PLEKHG7: variants seen among roughly 807,000 people sequenced by gnomAD.
The protein encoded by PLEKHG7 is pleckstrin homology and RhoGEF domain containing G7, also known as pleckstrin homology domain-containing family G member 7.
Under a neutral mutation model 85.2 loss-of-function variants are expected in PLEKHG7, and 77 were observed. The observed-to-expected ratio is 0.90, with a 90% CI of 0.75 to 1.09. The LOEUF is 1.09. Among genes scored for constraint, PLEKHG7 ranks in the 50% least tolerant of loss-of-function variants. The pLI, the probability that PLEKHG7 is intolerant of heterozygous loss-of-function variation, is 0.00. For missense variants in PLEKHG7, 777 were observed against 804.3 expected, an observed-to-expected ratio of 0.97 and a Z score of 0.41; for synonymous variants, 301 against 302.4, an observed-to-expected ratio of 1.00 and a Z score of 0.05.
At chr12:92,747,669 A>G (rs1247171557) in intron 10 of PLEKHG7, among the ~76,000 whole-genome samples, 4 of 152,250 alleles carry the variant, frequency 2.6e-5, no homozygotes, top group Admixed American at 6.5e-5. Flanking sequence ...GTGTTCATCA[A>G]CAGATGATTA....
chr12:92,727,168 T>A (rs192860187), intron 3 of PLEKHG7, among the ~76,000 whole-genome samples: 105 of 152,222 alleles, frequency 6.9e-4, no homozygotes, highest in African/African-American at 2.3e-3. Context: ...CCTAACAGAG[T>A]GGCAGCAGGC....
rs544265370 is a variant in PLEKHG7 at position 92,722,303 on chromosome 12, G to A, written c.531-6690G>A. 3.0e-4 allele frequency among the ~76,000 whole-genome samples: 45 copies of A among 152,176 alleles called. 2 individuals carry two copies. The highest frequency in any genetic ancestry group is 2.4e-3 in the Admixed American group (37 of 15,280). ...GAATTGACATAGAGGCACATTTTCCGCACCAATCCATGTCTCTTCATGTTA... is the reference window on the plus strand; with the variant it reads ...GAATTGACATAGAGGCACATTTTCCACACCAATCCATGTCTCTTCATGTTA... On this transcript the variant is annotated intron_variant, in intron 3 of 16. Coordinates refer to ENST00000344636, the MANE Select transcript of PLEKHG7 (RefSeq NM_001377329.1).
chr12:92,718,038 A>G (rs1487481962), intron 3 of PLEKHG7, among the ~76,000 whole-genome samples: 4 of 152,264 alleles, frequency 2.6e-5, no homozygotes, highest in African/African-American at 7.2e-5. Flanking sequence ...CAGGCACATC[A>G]AATGTAATGT....
Position 92,771,137 on chromosome 12 carries a change from A to T in PLEKHG7, c.*942A>T, listed in dbSNP as rs1029060431. ...CATGGCAGGATATATACTATTAACT[A>T]CATTCAAGGAACTAGTTCTTAGGGT... On this transcript the variant is annotated 3_prime_UTR_variant, in exon 17 of 17. Transcript: ENST00000344636. The T allele has an allele frequency of 6.6e-6, 1 of 152,100 alleles. No homozygotes were observed. Among genetic ancestry groups the T allele is most frequent in the African/African-American group, 2.4e-5 (1 of 41,444 alleles). The allele number at this position is 152,100 out of a possible 1,614,324, so 9.4% of individuals were successfully genotyped here.
chr12:92,743,919 A>G lies in PLEKHG7; in HGVS notation c.1138-1559A>G, dbSNP rs145322937. Among the ~76,000 whole-genome samples, 405 of 152,178 alleles carry G rather than the reference A, an allele frequency of 2.7e-3. 2 individuals carry two copies. The highest frequency in any genetic ancestry group is 6.8e-3 in the Middle Eastern group (2 of 294). ...TTACCTCCTAGTTCCAACATTTCTC[A>G]AGCATCTCAGTGTCCATGAGAAGAC... On this transcript the variant is annotated intron_variant, in intron 9 of 16. Transcript: ENST00000344636.
Position 92,732,256 on chromosome 12 carries a change from T to C in PLEKHG7, c.682T>C (p.Phe228Leu), listed in dbSNP as rs113607540. 31 of 1,231,546 alleles carry C rather than the reference T, an allele frequency of 2.5e-5. No homozygotes were observed. In the African/African-American group the frequency reaches 2.8e-4, roughly 11 times the overall value. 76.3% of individuals were successfully genotyped at this position (1,231,546 alleles called of 1,614,324 possible). A position where few individuals can be genotyped will look rare whatever the true frequency, so the allele number is the denominator to read the frequency against. Residue 228 changes from phenylalanine to leucine, a missense_variant, in exon 5 of 17, where the codon TTC becomes CTC. Phe to Leu is a conservative substitution (Grantham distance 22, BLOSUM62 0). Coordinates refer to ENST00000344636, the MANE Select transcript of PLEKHG7 (RefSeq NM_001377329.1). ...AGAATCCAAAAAGCCAAGATGGCCT[T>C]TCTCCAAAAGAGGAGTGGTAAGTGT... ...NSESKKPRWP[F>L]SKRGVGKDKH... is the part of the protein sequence containing the mutation.
At chr12:92,719,357 G>A (rs1871574025) in intron 3 of PLEKHG7, among the ~76,000 whole-genome samples, 1 of 152,162 alleles carries the variant, frequency 6.6e-6, no homozygotes, top group African/African-American at 2.4e-5. Flanking sequence ...TTCTTGCATA[G>A]GGTAAAACAT....
intron 7 of PLEKHG7, among the ~76,000 whole-genome samples, chr12:92,740,104 T>C (rs1438155685): frequency 6.6e-6 from 1 of 152,240 alleles, no homozygotes; most frequent in Non-Finnish European, 1.5e-5. Context: ...GAGAAGGTTA[T>C]CTATCTAAAG....
Position 92,772,294 on chromosome 12 carries a change from TA to T in PLEKHG7, c.*2100del, listed in dbSNP as rs1873464221. The T allele has an allele frequency of 1.3e-5, 2 of 152,128 alleles. No homozygotes were observed. Among genetic ancestry groups the T allele is most frequent in the South Asian group, 4.2e-4 (2 of 4,818 alleles). 9.4% of individuals were successfully genotyped at this position (152,128 alleles called of 1,614,324 possible). A position where few individuals can be genotyped will look rare whatever the true frequency, so the allele number is the denominator to read the frequency against. On this transcript the variant is annotated 3_prime_UTR_variant, in exon 17 of 17. Coordinates refer to ENST00000344636, the MANE Select transcript of PLEKHG7 (RefSeq NM_001377329.1). ...TTTGTTTTTAGTTTTGTTAATTCTC[TA>T]CAATATTAAATGGAATGTCTAAGGC...
chr12:92,766,005 G>A (rs927472842), intron 15 of PLEKHG7, among the ~76,000 whole-genome samples: 2 of 152,132 alleles, frequency 1.3e-5, no homozygotes, highest in Non-Finnish European at 1.5e-5. Flanking sequence ...TGGGACCAAA[G>A]TCTATGTAGG....
At chr12:92,709,818 G>A (rs775735023) in intron 3 of PLEKHG7, among the ~76,000 whole-genome samples, 5 of 152,154 alleles carry the variant, frequency 3.3e-5, no homozygotes, top group South Asian at 4.1e-4. Flanking sequence ...CCAGGCAGGC[G>A]GATCACTTGA....
At chr12:92,752,877 G>A (rs1214906465) in intron 10 of PLEKHG7, among the ~76,000 whole-genome samples, 2 of 152,126 alleles carry the variant, frequency 1.3e-5, no homozygotes, top group African/African-American at 4.8e-5. Flanking sequence ...TGGCCCTTTT[G>A]TGGGTTGCAG....
At chr12:92,732,801 T>C (rs1872029788) in intron 5 of PLEKHG7, among the ~76,000 whole-genome samples, 1 of 152,188 alleles carries the variant, frequency 6.6e-6, no homozygotes, top group Non-Finnish European at 1.5e-5. Context: ...CCTGAGACTT[T>C]ACTGCCTAAG....
chr12:92,768,235 A>T (rs1873275602), intron 15 of PLEKHG7, among the ~76,000 whole-genome samples: 1 of 151,996 alleles, frequency 6.6e-6, no homozygotes, highest in African/African-American at 2.4e-5. Context: ...GAGAAAAAAG[A>T]ATGTGTAAGC....
chr12:92,707,399 G>C, intron 2 of PLEKHG7: 1 of 1,428,294 alleles, frequency 7.0e-7, no homozygotes. Flanking sequence ...CCAAGGCCAG[G>C]CTTACCGATG....
intron 5 of PLEKHG7, among the ~76,000 whole-genome samples, chr12:92,735,529 T>C (rs561500310): frequency 1.3e-5 from 2 of 152,208 alleles, no homozygotes; most frequent in African/African-American, 2.4e-5. Context: ...TCTGAGGCAA[T>C]AGAACAAGTT....
intron 7 of PLEKHG7, among the ~76,000 whole-genome samples, chr12:92,738,986 G>A (rs1872266435): frequency 6.6e-6 from 1 of 152,218 alleles, no homozygotes; most frequent in South Asian, 2.1e-4. Flanking sequence ...ATTAGTCCAT[G>A]TGACTGCAAA....
chr12:92,710,268 C>T (rs1026051134), intron 3 of PLEKHG7, among the ~76,000 whole-genome samples: 2 of 152,188 alleles, frequency 1.3e-5, no homozygotes, highest in Non-Finnish European at 2.9e-5. Context: ...CCCAGCCCTG[C>T]AAAGTATTGT....
intron 9 of PLEKHG7, among the ~76,000 whole-genome samples, chr12:92,743,120 C>A (rs142638147): frequency 6.6e-6 from 1 of 152,262 alleles, no homozygotes; most frequent in Non-Finnish European, 1.5e-5. Flanking sequence ...ATCTCAGTGG[C>A]TTGGTTCATG....
Sources: gnomAD v4.1 joint callset for allele counts (sites outside exome capture counted in the v4.1 genomes callset) on GRCh38, gnomAD v4.1.1 for gene constraint, MANE v1.5 for transcripts, NCBI Gene and HGNC (gene_info 2026-07-23, HGNC 2026-07-21) for gene names.